Variants in PARD6B observed in about 807,000 individuals in gnomAD.
PARD6B encodes the protein par-6 family cell polarity regulator beta, also known as partitioning defective 6 homolog beta.
In PARD6B, 4 loss-of-function variants were observed where a neutral mutation model predicts 10.5. The ratio of observed to expected loss-of-function variants is 0.38; its 90% CI spans 0.19 to 0.87. The LOEUF is 0.87. PARD6B is among the 40% of genes least tolerant of loss of function. PARD6B has a pLI of 0.41. For missense variants in PARD6B, 396 were observed against 470.6 expected, an observed-to-expected ratio of 0.84 and a Z score of 1.47; for synonymous variants, 169 against 170.4, an observed-to-expected ratio of 0.99 and a Z score of 0.07.
intron 2 of PARD6B, among the ~76,000 whole-genome samples, chr20:50,741,555 CT>C (rs1444995620): frequency 5.3e-5 from 8 of 152,030 alleles, no homozygotes; most frequent in Admixed American, 2.0e-4. Context: ...AATGCATGCA[CT>C]CTTTTTTTTG....
chr20:50,745,080 G>C (rs2087558592), intron 2 of PARD6B, among the ~76,000 whole-genome samples: 2 of 152,152 alleles, frequency 1.3e-5, no homozygotes, highest in Non-Finnish European at 2.9e-5. Flanking sequence ...AGGAATGAAG[G>C]GGTCTGCAAA....
intron 1 of PARD6B, 81 bp downstream of exon 1, chr20:50,731,933 G>C: frequency 8.3e-7 from 1 of 1,212,040 alleles, no homozygotes; most frequent in Non-Finnish European, 1.1e-6. Flanking sequence ...TCGGAGCGCC[G>C]GGGGAGGCGA....
intron 1 of PARD6B, among the ~76,000 whole-genome samples, chr20:50,736,084 T>C (rs1028372890): frequency 6.6e-6 from 1 of 152,194 alleles, no homozygotes; most frequent in African/African-American, 2.4e-5. Context: ...CAGATGTTAG[T>C]GTTTATGTTT....
In PARD6B at chr20:50,750,986, T is replaced by TTA. The variant is rs2087604686; in HGVS notation, c.*498_*499insTA. 1.7e-6 allele frequency: 1 copy of TTA among 586,752 alleles called. No individual in the cohort carries two copies. Among genetic ancestry groups the TTA allele is most frequent in the African/African-American group, 2.5e-5 (1 of 40,596 alleles). 36.3% of individuals were successfully genotyped at this position (586,752 alleles called of 1,614,324 possible). A position where few individuals can be genotyped will look rare whatever the true frequency, so the allele number is the denominator to read the frequency against. ...TTTTTTTTTTTTTTTTTTTTTTTTT[T>TTA]AGTGACTGGGTCTCACTCTGTTGCC... On this transcript the variant is annotated 3_prime_UTR_variant, in exon 3 of 3. Transcript: ENST00000371610.
chr20:50,737,830 TAA>T, intron 1 of PARD6B, 25 bp from the exon 2 acceptor site: 1 of 1,381,684 alleles, frequency 7.2e-7, no homozygotes, highest in South Asian at 1.6e-5. Flanking sequence ...TTTTTTTTTT[TAA>T]GTAATATGTT....
rs538075893 is a variant in PARD6B, at chr20:50,743,685, G to A, written c.289+5606G>A. Among the ~76,000 whole-genome samples, 60 of 152,078 alleles carry A rather than the reference G, an allele frequency of 3.9e-4. 1 individual carries two copies. Among genetic ancestry groups the A allele is most frequent in the African/African-American group, 1.4e-3 (57 of 41,486 alleles). ...GGGCGAATCACAAGATCAGGAGATC[G>A]AGACCATCCTGGCTAGCATGGTGAA... On this transcript the variant is annotated intron_variant, in intron 2 of 2. Transcript: ENST00000371610.
In PARD6B at chr20:50,751,878, A is replaced by T; in HGVS notation, c.*1390A>T. On this transcript the variant is annotated 3_prime_UTR_variant, in exon 3 of 3. Coordinates refer to ENST00000371610, the MANE Select transcript of PARD6B (RefSeq NM_032521.3). ...CAACACGTCTGGCTTATTTTTTTGT[A>T]TTTTTAGTAGAGATGGAGTTTCACC... 6.9e-6 allele frequency: 6 copies of T among 870,310 alleles called. No individual in the cohort carries two copies. Among genetic ancestry groups the T allele is most frequent in the Non-Finnish European group, 8.3e-6 (6 of 725,842 alleles). The allele number at this position is 870,310 out of a possible 1,614,324, so 53.9% of individuals were successfully genotyped here.
chr20:50,741,245 G>A (rs753963151), intron 2 of PARD6B, among the ~76,000 whole-genome samples: 17 of 152,070 alleles, frequency 1.1e-4, no homozygotes, highest in Non-Finnish European at 2.4e-4. Flanking sequence ...ACAGGTGTGA[G>A]CCACTGCACC....
Position 50,740,356 on chromosome 20 carries a change from C to T in PARD6B, c.289+2277C>T, listed in dbSNP as rs556143046. 3.3e-5 allele frequency among the ~76,000 whole-genome samples: 5 copies of T among 152,254 alleles called. No individual in the cohort carries two copies. The South Asian group carries it at 1.0e-3, about 32-fold the overall frequency. ...AAAAGTTAGTTGCTGTTTGGATGTG[C>T]ATTCAAATATAGAGTGGGTTTTTAA... On this transcript the variant is annotated intron_variant, in intron 2 of 2. Transcript: ENST00000371610.
chr20:50,736,235 G>A lies in PARD6B; in HGVS notation c.67-1622G>A, dbSNP rs112575338. 4.8e-3 allele frequency among the ~76,000 whole-genome samples: 724 copies of A among 152,286 alleles called. 6 individuals carry two copies. Among genetic ancestry groups the A allele is most frequent in the African/African-American group, 0.016 (673 of 41,554 alleles). On this transcript the variant is annotated intron_variant, in intron 1 of 2. Coordinates refer to ENST00000371610, the MANE Select transcript of PARD6B (RefSeq NM_032521.3). Reference sequence around the variant, plus strand: ...AGATAGAGCAAAACCAGTGAATCCAGATGTCCCATGGGACCTTTGGGAAAA... The same window carrying A: ...AGATAGAGCAAAACCAGTGAATCCAAATGTCCCATGGGACCTTTGGGAAAA...
At position 50,749,822 on chromosome 20, in the gene PARD6B, C is replaced by G; in HGVS notation, c.453C>G (p.Leu151=). The part of the protein sequence containing the change: ...PVSSIIDVDI[L]PETHRRVRLY... ...CTTCTATTATAGACGTGGATATTCTCCCAGAAACGCATCGTAGGGTACGTC... is the reference window on the plus strand; with the variant it reads ...CTTCTATTATAGACGTGGATATTCTGCCAGAAACGCATCGTAGGGTACGTC... The change falls in exon 3 of 3, where the codon CTC becomes CTG. Residue 151 remains leucine, a synonymous_variant. Coordinates refer to ENST00000371610, the MANE Select transcript of PARD6B (RefSeq NM_032521.3). The G allele has an allele frequency of 6.2e-7, 1 of 1,614,124 alleles. No individual in the cohort carries two copies. The highest frequency in any genetic ancestry group is 1.6e-4 in the Middle Eastern group (1 of 6,062).
At chr20:50,740,871 C>T (rs984125012) in intron 2 of PARD6B, among the ~76,000 whole-genome samples, 1 of 152,118 alleles carries the variant, frequency 6.6e-6, no homozygotes. Flanking sequence ...TTTGGACTTC[C>T]CAACCTCATC....
Position 50,753,223 on chromosome 20 carries a change from T to A in PARD6B, c.*2735T>A. On this transcript the variant is annotated 3_prime_UTR_variant, in exon 3 of 3. Transcript: ENST00000371610. ...AATCAAAGCTGCTATTGCTTTTTAT[T>A]TTAATTATCCTGTTAAGGGTATCTA... 2 of 985,278 alleles carry A rather than the reference T, an allele frequency of 2.0e-6. No individual in the cohort carries two copies. Among genetic ancestry groups the A allele is most frequent in the Non-Finnish European group, 2.4e-6 (2 of 829,392 alleles). 61.0% of individuals were successfully genotyped at this position (985,278 alleles called of 1,614,324 possible). A position where few individuals can be genotyped will look rare whatever the true frequency, so the allele number is the denominator to read the frequency against.
chr20:50,742,382 T>G (rs1183579637), intron 2 of PARD6B, among the ~76,000 whole-genome samples: 2 of 151,612 alleles, frequency 1.3e-5, no homozygotes, highest in African/African-American at 4.9e-5. Context: ...TTTATTTTTT[T>G]TGAGACAGAG....
At position 50,740,407 on chromosome 20, in the gene PARD6B, T is replaced by C. The variant is rs150857137; in HGVS notation, c.289+2328T>C. Among the ~76,000 whole-genome samples, 709 of 152,362 alleles carry C rather than the reference T, an allele frequency of 4.7e-3. 2 individuals carry two copies. Among genetic ancestry groups the C allele is most frequent in the African/African-American group, 0.016 (657 of 41,586 alleles). ...AGTATTGCCATGTGACAGAATTTTGTTGGATTATCCCCTTTGGTAGAAAGA... is the reference window on the plus strand; with the variant it reads ...AGTATTGCCATGTGACAGAATTTTGCTGGATTATCCCCTTTGGTAGAAAGA... On this transcript the variant is annotated intron_variant, in intron 2 of 2. Transcript: ENST00000371610.
Position 50,750,666 on chromosome 20 carries a change from A to G in PARD6B, c.*178A>G. 1 of 1,385,788 alleles carries G rather than the reference A, an allele frequency of 7.2e-7. No homozygotes were observed. Among genetic ancestry groups the G allele is most frequent in the Middle Eastern group, 2.7e-4 (1 of 3,726 alleles). 85.8% of individuals were successfully genotyped at this position (1,385,788 alleles called of 1,614,324 possible). On this transcript the variant is annotated 3_prime_UTR_variant, in exon 3 of 3. Coordinates refer to ENST00000371610, the MANE Select transcript of PARD6B (RefSeq NM_032521.3). ...TAATTGTTAATATAAACTTTGGTGG[A>G]TCAGAGGTGAATTTAAGTCCAAAAC... is the stretch of plus-strand genomic sequence containing the variant.
chr20:50,746,303 A>G (rs745907082), intron 2 of PARD6B, among the ~76,000 whole-genome samples: 1 of 152,236 alleles, frequency 6.6e-6, no homozygotes, highest in Non-Finnish European at 1.5e-5. Context: ...GTAAGAAAGT[A>G]AGACATCCAG....
At chr20:50,733,174 C>T (rs545367023) in intron 1 of PARD6B, among the ~76,000 whole-genome samples, 3 of 152,328 alleles carry the variant, frequency 2.0e-5, no homozygotes, top group Non-Finnish European at 4.4e-5. Flanking sequence ...AACCCCAGCA[C>T]TTTGGGAGGC....
chr20:50,737,494 T>G (rs1486736593), intron 1 of PARD6B, among the ~76,000 whole-genome samples: 3 of 152,186 alleles, frequency 2.0e-5, no homozygotes, highest in Non-Finnish European at 4.4e-5. Context: ...GGACAAGTCT[T>G]TGGTACCCCA....
Sources: allele counts gnomAD v4.1 joint callset (sites outside exome capture counted in the v4.1 genomes callset), GRCh38; gene constraint gnomAD v4.1.1; transcripts MANE v1.5; gene names NCBI Gene and HGNC (gene_info 2026-07-23, HGNC 2026-07-21).